The following CCNJL variants were observed in gnomAD, a reference collection of about 807,000 sequenced individuals.
CCNJL encodes the protein cyclin-J-like protein.
A neutral mutation model predicts 33.4 loss-of-function variants in CCNJL; 33 were observed. The ratio of observed to expected loss-of-function variants is 0.99; its 90% confidence interval spans 0.75 to 1.32. CCNJL has a LOEUF of 1.32. Among genes scored for constraint, CCNJL ranks in the 40% most tolerant of loss-of-function variants. The pLI is 0.00. For synonymous variants in CCNJL, 227 were observed against 220.9 expected (o/e 1.03, Z -0.24); for missense variants, 512 against 499.7 (o/e 1.02, Z -0.23).
At chr5:160,295,347 G>T (rs1244495418) in intron 2 of CCNJL, among the ~76,000 whole-genome samples, 9 of 152,226 alleles carry the variant, frequency 5.9e-5, no homozygotes, top group Admixed American at 1.3e-4. Context: ...AAATTAGCTG[G>T]GCATGGTGGT....
chr5:160,324,593 GCAAAAACA>G (rs1216345218), intron 1 of CCNJL, among the ~76,000 whole-genome samples: 3 of 145,254 alleles, frequency 2.1e-5, no homozygotes, highest in African/African-American at 8.4e-5. Flanking sequence ...AAAACAAAAA[GCAAAAACA>G]CAAAAACACA....
chr5:160,312,100 T>C (rs1054319933), intron 1 of CCNJL, 128 bp from the exon 2 acceptor site: 3 of 629,310 alleles, frequency 4.8e-6, no homozygotes, highest in Middle Eastern at 4.2e-4. Flanking sequence ...TCAGAGGAGC[T>C]GGAGGTCGCC....
intron 2 of CCNJL, among the ~76,000 whole-genome samples, chr5:160,293,314 C>A (rs1762645665): frequency 6.6e-6 from 1 of 152,170 alleles, no homozygotes; most frequent in Non-Finnish European, 1.5e-5. Context: ...TCAGCCTCAG[C>A]TACTTGGGAG....
intron 1 of CCNJL, among the ~76,000 whole-genome samples, chr5:160,318,874 A>G (rs946091978): frequency 1.3e-5 from 2 of 152,238 alleles, no homozygotes. Flanking sequence ...GGCATGCATA[A>G]TATAAATGAT....
intron 1 of CCNJL, among the ~76,000 whole-genome samples, chr5:160,327,970 C>T (rs10476322): frequency 6.6e-6 from 1 of 152,102 alleles, no homozygotes; most frequent in Non-Finnish European, 1.5e-5. Flanking sequence ...CCCCCTGACA[C>T]TGGGGCCATG....
chr5:160,305,787 A>G lies in CCNJL; in HGVS notation c.66+6071T>C, dbSNP rs562739292. ...TCTGTAAACTGGGGTTAATCCTAAC[A>G]CTAGGGCCAAAGTGAGGAGTAAATA... On this transcript the variant is annotated intron_variant, in intron 2 of 5. Transcript: ENST00000257536. 3.9e-5 allele frequency among the ~76,000 whole-genome samples: 6 copies of G among 152,350 alleles called. No individual in the cohort carries two copies. The East Asian group carries it at 1.2e-3, about 29-fold the overall frequency.
At chr5:160,309,555 T>A (rs1763200843) in intron 2 of CCNJL, among the ~76,000 whole-genome samples, 1 of 152,206 alleles carries the variant, frequency 6.6e-6, no homozygotes, top group Non-Finnish European at 1.5e-5. Context: ...AGTAGACATT[T>A]GAGAAAAACA....
Position 160,311,839 on chromosome 5 carries a change from AGGGCAG to A in CCNJL, c.66+13_66+18del. 1 of 1,611,308 alleles carries A rather than the reference AGGGCAG, an allele frequency of 6.2e-7. No individual in the cohort carries two copies. The highest frequency in any genetic ancestry group is 8.5e-7 in the Non-Finnish European group (1 of 1,177,418). On this transcript the variant is annotated intron_variant, in intron 2 of 5. Transcript: ENST00000257536. ...ACTGTACCCAGTCTTGAGAGTGACA[AGGGCAG>A]GGAGGGACTGACCTTCTCGCGCAGG... is the stretch of plus-strand genomic sequence containing the variant.
At chr5:160,331,815 G>C (rs1473302858) in intron 1 of CCNJL, among the ~76,000 whole-genome samples, 1 of 152,134 alleles carries the variant, frequency 6.6e-6, no homozygotes, top group Non-Finnish European at 1.5e-5. Flanking sequence ...TTTCCATTTG[G>C]CTGAGCAAGC....
At chr5:160,288,310 G>C (rs903225367) in intron 2 of CCNJL, among the ~76,000 whole-genome samples, 7 of 152,012 alleles carry the variant, frequency 4.6e-5, no homozygotes, top group African/African-American at 1.7e-4. Flanking sequence ...CAGTTACTAT[G>C]TTTTCAGTTT....
At position 160,311,963 on chromosome 5, in the gene CCNJL, A is replaced by G. The variant is rs780825117; in HGVS notation, c.-40T>C. ...CGCTATCCGAGGCTACCCGGCTCTC[A>G]GGGCGCACCCTGCGTGGACACGGGC... On this transcript the variant is annotated 5_prime_UTR_variant, in exon 2 of 6. Transcript: ENST00000257536. 11 of 1,601,528 alleles carry G rather than the reference A, an allele frequency of 6.9e-6. No individual in the cohort carries two copies. Among genetic ancestry groups the G allele is most frequent in the Middle Eastern group, 1.7e-4 (1 of 6,020 alleles).
intron 2 of CCNJL, among the ~76,000 whole-genome samples, chr5:160,283,049 T>C (rs899840174): frequency 7.7e-6 from 1 of 129,168 alleles, no homozygotes; most frequent in Non-Finnish European, 1.6e-5. Flanking sequence ...TGAAAACATA[T>C]GGCCACACAA....
At chr5:160,319,622 A>G (rs1763416860) in intron 1 of CCNJL, among the ~76,000 whole-genome samples, 1 of 152,214 alleles carries the variant, frequency 6.6e-6, no homozygotes, top group Admixed American at 6.5e-5. Context: ...CGTCGTCAAT[A>G]TAGGTTTACT....
intron 3 of CCNJL, among the ~76,000 whole-genome samples, chr5:160,263,459 T>C (rs765630128): frequency 6.6e-6 from 1 of 152,228 alleles, no homozygotes; most frequent in African/African-American, 2.4e-5. Context: ...TTGTTTCGTT[T>C]GCTTTTCATG....
chr5:160,311,826 C>A, intron 2 of CCNJL, 32 bp downstream of exon 2: 2 of 1,605,612 alleles, frequency 1.2e-6, no homozygotes, highest in South Asian at 2.2e-5. Flanking sequence ...TGTACCCAGT[C>A]TTGAGAGTGA....
Position 160,253,443 on chromosome 5 carries a change from T to C in CCNJL, c.1099A>G (p.Thr367Ala), listed in dbSNP as rs1302864979. Residue 367 changes from threonine to alanine, a missense_variant, in exon 6 of 6, where the codon ACC (threonine) becomes GCC (alanine). Transcript: ENST00000257536. The part of the protein sequence containing the change: ...IAAEPRHCLA[T>A]TYGSSYFSGS... ...CTGAAGTAGCTGCTTCCATAGGTGG[T>C]GGCGAGGCAGTGCCTGGGCTCAGCT... 1.1e-5 allele frequency: 17 copies of C among 1,610,906 alleles called. No individual in the cohort carries two copies. The South Asian group carries it at 1.1e-4, about 10-fold the overall frequency.
chr5:160,278,048 C>T (rs1027343828), intron 3 of CCNJL, among the ~76,000 whole-genome samples: 1 of 152,294 alleles, frequency 6.6e-6, no homozygotes, highest in East Asian at 1.9e-4. Flanking sequence ...GCTGGGATTA[C>T]AGGCATGCAC....
chr5:160,257,909 C>T (rs924704178), intron 4 of CCNJL, among the ~76,000 whole-genome samples: 6 of 151,298 alleles, frequency 4.0e-5, no homozygotes, highest in African/African-American at 9.7e-5. Flanking sequence ...TTCAATGGCA[C>T]GATCTCGGCT....
intron 1 of CCNJL, among the ~76,000 whole-genome samples, chr5:160,331,734 C>G (rs368375418): frequency 4.6e-5 from 7 of 152,278 alleles, no homozygotes; most frequent in Admixed American, 1.3e-4. Context: ...GTGCACTGAC[C>G]GTGATGGGAC....
Sources: gnomAD v4.1 joint callset for allele counts (sites outside exome capture counted in the v4.1 genomes callset) on GRCh38, gnomAD v4.1.1 for gene constraint, MANE v1.5 for transcripts, NCBI Gene and HGNC (gene_info 2026-07-23, HGNC 2026-07-21) for gene names.